The following IMPA1 variants were observed in gnomAD, a reference collection of about 807,000 sequenced individuals.
IMPA1 encodes inositol monophosphatase 1.
In IMPA1, 21 loss-of-function variants were observed where a neutral mutation model predicts 34.9. That is an observed-to-expected ratio of 0.60 (90% confidence interval 0.43 to 0.87). The LOEUF (loss-of-function observed/expected upper bound fraction) is 0.87, where lower values mean the gene tolerates loss of function less well. IMPA1 is among the 40% of genes least tolerant of loss of function. The probability of loss-of-function intolerance (pLI) is 0.00; values close to 1 mark genes in which losing one functional copy is unlikely to be tolerated. For missense variants in IMPA1, 299 were observed against 336.4 expected (o/e 0.89, Z 0.87); for synonymous variants, 95 against 104.4 (o/e 0.91, Z 0.55).
intron 1 of IMPA1, chr8:81,685,906 G>A: frequency 1.3e-6 from 2 of 1,544,472 alleles, no homozygotes; most frequent in South Asian, 1.2e-5. Context: ...GGACCTGGGC[G>A]CTGCCCCATC....
intron 1 of IMPA1, among the ~76,000 whole-genome samples, chr8:81,682,214 C>T (rs1203056802): frequency 6.6e-6 from 1 of 151,826 alleles, no homozygotes; most frequent in Non-Finnish European, 1.5e-5. Flanking sequence ...AAAAAAAAAC[C>T]CAACATATAT....
chr8:81,686,125 T>C (rs1453706130), intron 1 of IMPA1, 127 bp downstream of exon 1: 2 of 805,416 alleles, frequency 2.5e-6, no homozygotes, highest in South Asian at 3.8e-5. Context: ...ACCCAGAGGC[T>C]GCCTCCACCC....
intron 7 of IMPA1, among the ~76,000 whole-genome samples, chr8:81,670,065 G>GA (rs1253567673): frequency 1.3e-5 from 2 of 152,174 alleles, no homozygotes; most frequent in Non-Finnish European, 2.9e-5. Context: ...TTGGGCTTCT[G>GA]AGCCTCTATA....
In IMPA1 at chr8:81,659,109, T is replaced by A. The variant is rs1299702790; in HGVS notation, c.*242A>T. On this transcript the variant is annotated 3_prime_UTR_variant, in exon 9 of 9. Coordinates refer to ENST00000256108, the MANE Select transcript of IMPA1 (RefSeq NM_005536.4). Reference sequence around the variant, plus strand: ...TTCAGTTGATGTTATATTTATCAACTGTACTTCCTGGGTATGTTTCCTAAA... The same window carrying A: ...TTCAGTTGATGTTATATTTATCAACAGTACTTCCTGGGTATGTTTCCTAAA... The A allele has an allele frequency of 2.0e-6, 1 of 490,722 alleles. No homozygotes were observed. The highest frequency in any genetic ancestry group is 3.8e-5 in the East Asian group (1 of 26,286). The allele number at this position is 490,722 out of a possible 1,614,324, so 30.4% of individuals were successfully genotyped here. A position where few individuals can be genotyped will look rare whatever the true frequency, so the allele number is the denominator to read the frequency against.
chr8:81,680,665 T>C lies in IMPA1; in HGVS notation c.182A>G (p.Lys61Arg). Residue 61 changes from lysine (K) to arginine (R), a missense_variant, in exon 3 of 9, where the codon AAG (lysine) becomes AGG (arginine). By Grantham distance (26) the Lys-to-Arg change is conservative. Coordinates refer to ENST00000256108, the MANE Select transcript of IMPA1 (RefSeq NM_005536.4). ...ATAAAAATACCTGTGAGATGGATAC[T>C]TTTCCTTTATGGAAGAGATAAGCAT... ...EKMLISSIKE[K>R]YPSHSFIGEE... 6.2e-7 allele frequency: 1 copy of C among 1,609,650 alleles called. No homozygotes were observed. The highest frequency in any genetic ancestry group is 8.5e-7 in the Non-Finnish European group (1 of 1,177,630).
intron 3 of IMPA1, 147 bp from the exon 4 acceptor site, chr8:81,679,377 G>T: frequency 1.7e-6 from 1 of 603,640 alleles, no homozygotes; most frequent in Non-Finnish European, 3.0e-6. Flanking sequence ...ACTTTGGGAG[G>T]CCAGGGAGGG....
Position 81,680,756 on chromosome 8 carries a change from T to A in IMPA1, c.91A>T (p.Met31Leu), listed in dbSNP as rs756443901. 1 of 1,608,848 alleles carries A rather than the reference T, an allele frequency of 6.2e-7. No homozygotes were observed. Among genetic ancestry groups the A allele is most frequent in the African/African-American group, 1.3e-5 (1 of 74,774 alleles). Residue 31 changes from methionine (M) to leucine (L), a missense_variant, in exon 3 of 9, where the codon ATG becomes TTG. By Grantham distance (15) the Met-to-Leu change is conservative. Transcript: ENST00000256108. Reference protein sequence around the residue: ...EVVCEAIKNEMNVMLKSSPVD... With the variant: ...EVVCEAIKNELNVMLKSSPVD... ...GGAGAACTTTTCAGCATAACATTCA[T>A]TTCATTTTTTATAGCTTCACAAACT...
In IMPA1 at chr8:81,681,478, G is replaced by C; in HGVS notation, c.63+20C>G. 1 of 1,368,548 alleles carries C rather than the reference G, an allele frequency of 7.3e-7. No homozygotes were observed. The highest frequency in any genetic ancestry group is 1.0e-6 in the Non-Finnish European group (1 of 958,706). The allele number at this position is 1,368,548 out of a possible 1,614,324, so 84.8% of individuals were successfully genotyped here. ...AATCACATTATAATTGATTATAATT[G>C]ACAAAATCTTAGCTCATACCTCTCC... On this transcript the variant is annotated intron_variant, in intron 2 of 8. Coordinates refer to ENST00000256108, the MANE Select transcript of IMPA1 (RefSeq NM_005536.4).
chr8:81,675,137 C>A (rs1244759148), intron 5 of IMPA1, among the ~76,000 whole-genome samples: 1 of 152,174 alleles, frequency 6.6e-6, no homozygotes, highest in African/African-American at 2.4e-5. Context: ...TTTGTCCTGG[C>A]CACTTGCAGT....
intron 2 of IMPA1, 92 bp from the exon 3 acceptor site, chr8:81,680,875 TA>T: frequency 1.1e-6 from 1 of 910,278 alleles, no homozygotes; most frequent in Non-Finnish European, 1.7e-6. Context: ...CAATCTGTCT[TA>T]AATAATATTC....
intron 4 of IMPA1, among the ~76,000 whole-genome samples, chr8:81,677,487 C>CA (rs1345230716): frequency 6.6e-6 from 1 of 152,196 alleles, no homozygotes; most frequent in African/African-American, 2.4e-5. Context: ...ACTCCAACAG[C>CA]AAACTTTAGG....
At chr8:81,667,672 T>C (rs1806869198) in intron 7 of IMPA1, among the ~76,000 whole-genome samples, 1 of 152,132 alleles carries the variant, frequency 6.6e-6, no homozygotes, top group Non-Finnish European at 1.5e-5. Flanking sequence ...TTGAGTTAAG[T>C]AGCTCTGACC....
Position 81,672,655 on chromosome 8 carries a change from T to C in IMPA1, c.457+1186A>G, listed in dbSNP as rs149338022. Among the ~76,000 whole-genome samples, 81 of 152,372 alleles carry C rather than the reference T, an allele frequency of 5.3e-4. No homozygotes were observed. In the East Asian group the frequency reaches 0.013, roughly 25 times the overall value. On this transcript the variant is annotated intron_variant, in intron 6 of 8. Coordinates refer to ENST00000256108, the MANE Select transcript of IMPA1 (RefSeq NM_005536.4). Reference sequence around the variant, plus strand: ...TCCAAGGTAATCTAGAAGTGTGTCCTGGGCTGCAGTCCTCAACTTTGGCCC... The same window carrying C: ...TCCAAGGTAATCTAGAAGTGTGTCCCGGGCTGCAGTCCTCAACTTTGGCCC...
intron 7 of IMPA1, among the ~76,000 whole-genome samples, chr8:81,665,349 G>A (rs1806792760): frequency 6.6e-6 from 1 of 151,828 alleles, no homozygotes; most frequent in South Asian, 2.1e-4. Flanking sequence ...GAAATGGGGG[G>A]GAAATAAAAG....
At chr8:81,662,456 T>C (rs1806707263) in intron 7 of IMPA1, among the ~76,000 whole-genome samples, 1 of 152,174 alleles carries the variant, frequency 6.6e-6, no homozygotes, top group South Asian at 2.1e-4. Flanking sequence ...GAATATTCTT[T>C]TATGGAAAAT....
chr8:81,666,197 T>A (rs898486790), intron 7 of IMPA1, among the ~76,000 whole-genome samples: 2 of 152,108 alleles, frequency 1.3e-5, no homozygotes, highest in Non-Finnish European at 2.9e-5. Context: ...TTCTAGATAG[T>A]AAATAGTTAA....
intron 7 of IMPA1, among the ~76,000 whole-genome samples, chr8:81,669,064 C>T (rs1298760307): frequency 7.9e-5 from 12 of 152,342 alleles, no homozygotes; most frequent in Non-Finnish European, 1.6e-4. Flanking sequence ...CCAGCCTCCA[C>T]TTGGCCTCAA....
chr8:81,657,977 C>T lies in IMPA1; in HGVS notation c.*1374G>A, dbSNP rs11776757. 9 of 152,136 alleles carry T rather than the reference C, an allele frequency of 5.9e-5. No homozygotes were observed. In the South Asian group the frequency reaches 1.0e-3, roughly 18 times the overall value. 9.4% of individuals were successfully genotyped at this position (152,136 alleles called of 1,614,324 possible). A position where few individuals can be genotyped will look rare whatever the true frequency, so the allele number is the denominator to read the frequency against. On this transcript the variant is annotated 3_prime_UTR_variant, in exon 9 of 9. Transcript: ENST00000256108. ...ATCAATTTAAAGTTTTATTCATGAT[C>T]GTCTTATTAAAATAAATTTAATTGC...
At position 81,659,376 on chromosome 8, in the gene IMPA1, G is replaced by C. The variant is rs1004935117; in HGVS notation, c.809C>G (p.Pro270Arg). 2 of 1,606,978 alleles carry C rather than the reference G, an allele frequency of 1.2e-6. No individual in the cohort carries two copies. The highest frequency in any genetic ancestry group is 1.3e-5 in the African/African-American group (1 of 74,754). ...ERIAKEIQVI[P>R]LQRDDED ...TTAATCTTCGTCGTCTCGTTGCAAA[G>C]GTATAACCTGAATTTCTTTAGCTAT... is the stretch of plus-strand genomic sequence containing the variant. The change falls in exon 9 of 9, where the codon CCT becomes CGT. Residue 270 changes from proline to arginine, a missense_variant. Pro to Arg is a moderately radical substitution (Grantham distance 103). Transcript: ENST00000256108.
Sources: allele counts gnomAD v4.1 joint callset (sites outside exome capture counted in the v4.1 genomes callset), GRCh38; gene constraint gnomAD v4.1.1; transcripts MANE v1.5; gene names NCBI Gene and HGNC (gene_info 2026-07-23, HGNC 2026-07-21).